TBXAS1: variants seen among roughly 807,000 people sequenced by gnomAD.
TBXAS1 encodes the protein thromboxane A synthase 1, also known as thromboxane-A synthase.
In TBXAS1, 48 loss-of-function variants were observed where a neutral mutation model predicts 60.7. That is an observed-to-expected ratio of 0.79 (90% CI 0.63 to 1.01). The LOEUF (loss-of-function observed/expected upper bound fraction) is 1.01. TBXAS1 is among the 50% of genes least tolerant of loss of function. The pLI, the probability that TBXAS1 is intolerant of heterozygous loss-of-function variation, is 0.00. For synonymous variants in TBXAS1, 287 were observed against 269.7 expected (o/e 1.06, Z -0.63); for missense variants, 685 against 686.3 (o/e 1.00, Z 0.02).
At chr7:139,850,675 C>T (rs771793539) in intron 1 of TBXAS1, among the ~76,000 whole-genome samples, 11 of 152,266 alleles carry the variant, frequency 7.2e-5, no homozygotes, top group Non-Finnish European at 1.5e-4. Context: ...TACTGGATGA[C>T]GGTGGTCCCT....
chr7:139,824,949 C>T (rs1426376019), upstream of TBXAS1, among the ~76,000 whole-genome samples: 1 of 151,308 alleles, frequency 6.6e-6, no homozygotes, highest in Non-Finnish European at 1.5e-5. Context: ...CCTGCCTCAG[C>T]CTCCAAAGTA....
intron 9 of TBXAS1, among the ~76,000 whole-genome samples, chr7:139,972,250 TG>T (rs1200552085): frequency 5.9e-5 from 9 of 152,242 alleles, no homozygotes; most frequent in Non-Finnish European, 1.3e-4. Context: ...GTGTCTTTCA[TG>T]TAGCAAATCA....
At chr7:139,980,138 T>A (rs529628837) in intron 9 of TBXAS1, among the ~76,000 whole-genome samples, 1 of 152,290 alleles carries the variant, frequency 6.6e-6, no homozygotes, top group East Asian at 1.9e-4. Context: ...CTCCAGAGAT[T>A]TCTGCTGATA....
At chr7:139,989,457 G>A (rs1035969812) in intron 9 of TBXAS1, among the ~76,000 whole-genome samples, 4 of 152,228 alleles carry the variant, frequency 2.6e-5, no homozygotes, top group African/African-American at 9.6e-5. Context: ...GACATCGTGA[G>A]CGTGGCTGCA....
At chr7:139,804,536 G>A (rs958949794) in intron 4 of TBXAS1, among the ~76,000 whole-genome samples, 1 of 152,162 alleles carries the variant, frequency 6.6e-6, no homozygotes, top group Admixed American at 6.5e-5. Flanking sequence ...GAAATGAGAT[G>A]TGGGAGGGGC....
At chr7:139,932,166 CA>C (rs56765418) in intron 4 of TBXAS1, among the ~76,000 whole-genome samples, 18,646 of 66,408 alleles carry the variant, frequency 0.28, 1,231 homozygotes, top group African/African-American at 0.4. Flanking sequence ...GACTCCATCT[CA>C]AAAAAAAAAA....
chr7:139,819,026 T>C (rs564153697), intron 4 of TBXAS1, among the ~76,000 whole-genome samples: 1 of 152,362 alleles, frequency 6.6e-6, no homozygotes, highest in Non-Finnish European at 1.5e-5. Context: ...TCCAGCCTGT[T>C]CTAGTGGCTT....
intron 1 of TBXAS1, among the ~76,000 whole-genome samples, chr7:139,841,275 G>A (rs545230849): frequency 6.6e-6 from 1 of 152,316 alleles, no homozygotes; most frequent in African/African-American, 2.4e-5. Context: ...GTCTTGAAAT[G>A]CAGGGAAGAA....
chr7:139,834,477 A>G (rs1193476368), intron 1 of TBXAS1, among the ~76,000 whole-genome samples: 2 of 152,208 alleles, frequency 1.3e-5, no homozygotes, highest in African/African-American at 4.8e-5. Flanking sequence ...AGCAGAACTA[A>G]ATGAAATTGA....
At chr7:139,883,497 G>A (rs1802851506) in intron 3 of TBXAS1, among the ~76,000 whole-genome samples, 1 of 152,152 alleles carries the variant, frequency 6.6e-6, no homozygotes, top group Non-Finnish European at 1.5e-5. Context: ...TGCTATCTAA[G>A]TCTTTGTGAC....
At chr7:139,951,958 G>GAA (rs1335072351) in intron 5 of TBXAS1, among the ~76,000 whole-genome samples, 90 of 95,150 alleles carry the variant, frequency 9.5e-4, no homozygotes, top group Middle Eastern at 5.4e-3. Flanking sequence ...AGAAAAGAAA[G>GAA]AAAGAAAGAA....
At chr7:139,891,543 G>A (rs909677202) in intron 3 of TBXAS1, among the ~76,000 whole-genome samples, 6 of 152,158 alleles carry the variant, frequency 3.9e-5, no homozygotes. Context: ...GCCTCTTCTT[G>A]CTGTTTCTTC....
In TBXAS1 at chr7:139,975,158, C is replaced by T. The variant is rs796688162; in HGVS notation, c.1134+12925C>T. The stretch of plus-strand genomic sequence containing the variant: ...TTCAACCGATTGGATGAGGCACGCC[C>T]ATATTATTGAGGATAATCTCCTCAA... On this transcript the variant is annotated intron_variant, in intron 9 of 12. Coordinates refer to ENST00000448866, the MANE Select transcript of TBXAS1 (RefSeq NM_001061.7). The surrounding 1 kb of genome is among the most constrained non-coding windows in gnomAD (Gnocchi z 4.4). 4.6e-5 allele frequency among the ~76,000 whole-genome samples: 7 copies of T among 152,234 alleles called. No homozygotes were observed. Among genetic ancestry groups the T allele is most frequent in the African/African-American group, 1.7e-4 (7 of 41,542 alleles).
intron 1 of TBXAS1, among the ~76,000 whole-genome samples, chr7:139,866,333 AG>A (rs1801416240): frequency 6.6e-6 from 1 of 152,262 alleles, no homozygotes; most frequent in African/African-American, 2.4e-5. Flanking sequence ...AGAATGGTTT[AG>A]TAAATTATAA....
chr7:139,948,446 A>T (rs1808924437), intron 5 of TBXAS1, among the ~76,000 whole-genome samples: 1 of 152,190 alleles, frequency 6.6e-6, no homozygotes, highest in Non-Finnish European at 1.5e-5. Flanking sequence ...CTACACTGGG[A>T]GTTGGGGCTT....
intron 9 of TBXAS1, among the ~76,000 whole-genome samples, chr7:139,978,115 C>T (rs1793129848): frequency 6.6e-6 from 1 of 152,112 alleles, no homozygotes; most frequent in Non-Finnish European, 1.5e-5. Flanking sequence ...TGTGTTAAGG[C>T]CTGCTGCAGA....
chr7:139,984,411 C>G (rs1476087359), intron 9 of TBXAS1, among the ~76,000 whole-genome samples: 1 of 152,004 alleles, frequency 6.6e-6, no homozygotes, highest in African/African-American at 2.4e-5. Flanking sequence ...CACAATGCCT[C>G]TGCTCCACCC....
intron 9 of TBXAS1, among the ~76,000 whole-genome samples, chr7:139,972,100 T>C (rs1811244645): frequency 6.6e-6 from 1 of 152,244 alleles, no homozygotes; most frequent in East Asian, 1.9e-4. Context: ...CTTCATCAAC[T>C]GCAACACTCC....
chr7:139,823,131 T>G (rs951674589), intron 4 of TBXAS1, among the ~76,000 whole-genome samples: 1 of 151,818 alleles, frequency 6.6e-6, no homozygotes, highest in African/African-American at 2.4e-5. Flanking sequence ...CTGCACAGTC[T>G]AAGCTCAAAT....
Sources: gnomAD v4.1 joint callset for allele counts (sites outside exome capture counted in the v4.1 genomes callset) on GRCh38, gnomAD v4.1.1 for gene constraint, Gnocchi (gnomAD v3.1) non-coding constraint, MANE v1.5 for transcripts, NCBI Gene and HGNC (gene_info 2026-07-23, HGNC 2026-07-21) for gene names.